Variants in MACROD2 observed in about 807,000 individuals in gnomAD.
MACROD2 encodes the protein ADP-ribose glycohydrolase MACROD2.
Under a neutral mutation model 70.4 loss-of-function variants are expected in MACROD2, and 36 were observed. The ratio of observed to expected loss-of-function variants is 0.51; its 90% confidence interval spans 0.39 to 0.68. The LOEUF is 0.68. Ranked by LOEUF, MACROD2 falls within the 30% of genes least tolerant of loss-of-function variation. The pLI is 0.00. For missense variants in MACROD2, 496 were observed against 538.4 expected (o/e 0.92, Z 0.78); for synonymous variants, 172 against 178.8 (o/e 0.96, Z 0.30).
chr20:15,064,989 C>T (rs1376183577), intron 5 of MACROD2, among the ~76,000 whole-genome samples: 1 of 152,028 alleles, frequency 6.6e-6, no homozygotes, highest in African/African-American at 2.4e-5. Flanking sequence ...TGAATAGCCA[C>T]GTACATTATC....
At chr20:14,189,331 G>T (rs1240332803) in intron 3 of MACROD2, among the ~76,000 whole-genome samples, 1 of 152,048 alleles carries the variant, frequency 6.6e-6, no homozygotes, top group Non-Finnish European at 1.5e-5. Context: ...TTTCAACAAA[G>T]ATATACAATG....
intron 3 of MACROD2, among the ~76,000 whole-genome samples, chr20:14,444,329 T>G (rs576682377): frequency 1.3e-5 from 2 of 152,228 alleles, no homozygotes; most frequent in Admixed American, 6.5e-5. Flanking sequence ...CCTCATTTTG[T>G]GTGACTTAGC....
intron 8 of MACROD2, chr20:15,552,250 C>T (rs1260960446): frequency 6.6e-6 from 1 of 152,256 alleles, no homozygotes; most frequent in East Asian, 1.9e-4. Context: ...TGTAAACGTG[C>T]ATAGATGTTC....
intron 5 of MACROD2, among the ~76,000 whole-genome samples, chr20:15,044,695 CTTTTGGCTTG>C (rs1331165399): frequency 1.3e-5 from 2 of 152,120 alleles, no homozygotes; most frequent in Non-Finnish European, 2.9e-5. Context: ...CTTTTCAAGC[CTTTTGGCTTG>C]AAAATGTTAA....
At chr20:14,718,022 C>T (rs935692443) in intron 5 of MACROD2, among the ~76,000 whole-genome samples, 2 of 151,954 alleles carry the variant, frequency 1.3e-5, no homozygotes, top group African/African-American at 4.8e-5. Flanking sequence ...AGAGATGGTG[C>T]GGTGGCTCGC....
At chr20:14,623,888 T>C (rs1478541463) in intron 4 of MACROD2, among the ~76,000 whole-genome samples, 5 of 152,204 alleles carry the variant, frequency 3.3e-5, no homozygotes, top group East Asian at 3.9e-4. Context: ...TTGGCAGCCA[T>C]TGATCTGGCA....
At chr20:14,776,848 G>A (rs2072240904) in intron 5 of MACROD2, among the ~76,000 whole-genome samples, 1 of 151,934 alleles carries the variant, frequency 6.6e-6, no homozygotes, top group South Asian at 2.1e-4. Flanking sequence ...GCAATGAAGT[G>A]TACCTTGGGC....
intron 8 of MACROD2, among the ~76,000 whole-genome samples, chr20:15,725,777 C>T (rs999446827): frequency 2.0e-5 from 3 of 151,400 alleles, no homozygotes; most frequent in Admixed American, 6.6e-5. Flanking sequence ...TATGTAGGTC[C>T]TGTAAAATTC....
At chr20:15,243,795 G>A (rs1022406889) in intron 6 of MACROD2, among the ~76,000 whole-genome samples, 12 of 151,488 alleles carry the variant, frequency 7.9e-5, no homozygotes, top group Non-Finnish European at 1.5e-4. Flanking sequence ...GCGTAGTGGC[G>A]GGTGCCTGTA....
At chr20:15,854,799 A>G (rs1026191726) in intron 8 of MACROD2, among the ~76,000 whole-genome samples, 1 of 152,172 alleles carries the variant, frequency 6.6e-6, no homozygotes, top group Non-Finnish European at 1.5e-5. Context: ...TACTCTGAGT[A>G]CTGGGGAAAC....
intron 3 of MACROD2, among the ~76,000 whole-genome samples, chr20:14,155,672 T>C (rs1394759354): frequency 6.6e-6 from 1 of 152,170 alleles, no homozygotes; most frequent in Non-Finnish European, 1.5e-5. Flanking sequence ...TCTTTAGTAA[T>C]GCATTTTACT....
chr20:14,174,058 G>T (rs990209140), intron 3 of MACROD2, among the ~76,000 whole-genome samples: 2 of 152,122 alleles, frequency 1.3e-5, no homozygotes, highest in South Asian at 2.1e-4. Context: ...GAGGGTCCTT[G>T]GTTGTGTTTT....
chr20:14,641,159 A>G (rs1985070806), intron 4 of MACROD2, among the ~76,000 whole-genome samples: 2 of 152,200 alleles, frequency 1.3e-5, no homozygotes, highest in African/African-American at 4.8e-5. Context: ...TTCACCAGGT[A>G]TAGTTTCCAT....
At chr20:15,203,697 G>A (rs1466050917) in intron 5 of MACROD2, among the ~76,000 whole-genome samples, 1 of 151,994 alleles carries the variant, frequency 6.6e-6, no homozygotes, top group African/African-American at 2.4e-5. Flanking sequence ...CCAAGGTCAA[G>A]TGCATTACAA....
intron 5 of MACROD2, among the ~76,000 whole-genome samples, chr20:14,931,814 A>G (rs2074297998): frequency 6.9e-6 from 1 of 145,452 alleles, no homozygotes. Flanking sequence ...TCTGGGCAAC[A>G]TAACAAGACC....
intron 4 of MACROD2, among the ~76,000 whole-genome samples, chr20:14,541,615 C>T (rs1474787769): frequency 6.6e-6 from 1 of 151,856 alleles, no homozygotes; most frequent in Non-Finnish European, 1.5e-5. Flanking sequence ...CACACACACA[C>T]ACTATATAAT....
intron 2 of MACROD2, among the ~76,000 whole-genome samples, chr20:14,065,385 GCTTT>G (rs1255778356): frequency 6.6e-6 from 1 of 152,170 alleles, no homozygotes; most frequent in Non-Finnish European, 1.5e-5. Context: ...CAAGTAAGAA[GCTTT>G]CTTCTTTATT....
At chr20:14,602,012 A>AAGTATGTTT (rs1982530369) in intron 4 of MACROD2, among the ~76,000 whole-genome samples, 1 of 152,202 alleles carries the variant, frequency 6.6e-6, no homozygotes, top group Non-Finnish European at 1.5e-5. Context: ...AAGCTTCTTG[A>AAGTATGTTT]GAACATGGAT....
At chr20:15,899,473 T>C (rs1022264014) in intron 10 of MACROD2, among the ~76,000 whole-genome samples, 1 of 152,240 alleles carries the variant, frequency 6.6e-6, no homozygotes, top group African/African-American at 2.4e-5. Context: ...TCTAAATTTA[T>C]GTGTAATTGA....
Sources: allele counts gnomAD v4.1 joint callset (sites outside exome capture counted in the v4.1 genomes callset), GRCh38; gene constraint gnomAD v4.1.1; transcripts MANE v1.5; gene names NCBI Gene and HGNC (gene_info 2026-07-23, HGNC 2026-07-21).